The following NR6A1 variants were observed in gnomAD, a reference collection of about 807,000 sequenced individuals.
The protein encoded by NR6A1 is retinoic acid receptor-related testis-associated receptor.
A neutral mutation model predicts 59.1 loss-of-function variants in NR6A1; 7 were observed. The ratio of observed to expected loss-of-function variants is 0.12; its 90% CI spans 0.07 to 0.22. The LOEUF (loss-of-function observed/expected upper bound fraction) is 0.22. NR6A1 is among the 10% of genes least tolerant of loss of function. NR6A1 has a pLI of 1.00. For synonymous variants in NR6A1, 243 were observed against 236.1 expected, an observed-to-expected ratio of 1.03 and a Z score of -0.27; for missense variants, 468 against 611.6, an observed-to-expected ratio of 0.77 and a Z score of 2.48.
rs1163826256 is a variant in NR6A1, at chr9:124,520,768, G to A, written c.*1937C>T. On this transcript the variant is annotated 3_prime_UTR_variant, in exon 10 of 10. Coordinates refer to ENST00000487099, the MANE Select transcript of NR6A1 (RefSeq NM_033334.4). ...CAGGGGAACAAGTATCGTGAACTTA[G>A]AAATAAACAGATACACACGAACACA... The A allele has an allele frequency of 2.0e-5, 3 of 152,178 alleles. No homozygotes were observed. The highest frequency in any genetic ancestry group is 1.3e-4 in the Admixed American group (2 of 15,276). The allele number at this position is 152,178 out of a possible 1,614,324, so 9.4% of individuals were successfully genotyped here. A position where few individuals can be genotyped will look rare whatever the true frequency, so the allele number is the denominator to read the frequency against.
Position 124,651,553 on chromosome 9 carries a change from C to T in NR6A1, c.142+81755G>A, listed in dbSNP as rs1008034113. 5.3e-5 allele frequency among the ~76,000 whole-genome samples: 8 copies of T among 152,198 alleles called. No homozygotes were observed. In the South Asian group the frequency reaches 6.2e-4, roughly 12 times the overall value. ...AAGTAACAATTTTACAAAGTACCTA[C>T]CATAGGGGTTGGCCCCACAGTGGTT... On this transcript the variant is annotated intron_variant, in intron 2 of 9. Transcript: ENST00000487099.
At position 124,585,696 on chromosome 9, in the gene NR6A1, C is replaced by T. The variant is rs201496649; in HGVS notation, c.143-31126G>A. 2.0e-5 allele frequency among the ~76,000 whole-genome samples: 3 copies of T among 151,972 alleles called. No homozygotes were observed. In the East Asian group the frequency reaches 5.8e-4, roughly 29 times the overall value. ...GAAGGGGCCTTATATTGGAAGAAGA[C>T]ACCATCTACGGGCTTTCATAGCTAG... is the stretch of plus-strand genomic sequence containing the variant. On this transcript the variant is annotated intron_variant, in intron 2 of 9. Coordinates refer to ENST00000487099, the MANE Select transcript of NR6A1 (RefSeq NM_033334.4).
At chr9:124,722,729 T>A (rs1190557740) in intron 2 of NR6A1, among the ~76,000 whole-genome samples, 1 of 152,146 alleles carries the variant, frequency 6.6e-6, no homozygotes, top group South Asian at 2.1e-4. Flanking sequence ...AATTTACGTT[T>A]TTTCTGAGAC....
chr9:124,535,902 G>A lies in NR6A1; in HGVS notation c.1055C>T (p.Ser352Leu), dbSNP rs143555601. Residue 352 changes from serine (S) to leucine (L), a missense_variant, in exon 7 of 10, where the codon TCG (serine) becomes TTG (leucine). Transcript: ENST00000487099. Reference protein sequence around the residue: ...GELADVTAKYSPSDEELHRFS... With the variant: ...GELADVTAKYLPSDEELHRFS... ...CCTGTGTAGTTCTTCATCGGAGGGC[G>A]AGTACTTGGCAGTGACATCAGCCAG... The A allele has an allele frequency of 3.4e-5, 55 of 1,614,098 alleles. No individual in the cohort carries two copies. Among genetic ancestry groups the A allele is most frequent in the Middle Eastern group, 1.6e-4 (1 of 6,062 alleles).
intron 1 of NR6A1, among the ~76,000 whole-genome samples, chr9:124,741,570 C>T (rs1023012742): frequency 9.9e-5 from 15 of 152,216 alleles, no homozygotes; most frequent in Non-Finnish European, 2.1e-4. Flanking sequence ...CTAAGTTGTA[C>T]ACTTCAAATG....
At chr9:124,643,566 C>T (rs1836832435) in intron 2 of NR6A1, among the ~76,000 whole-genome samples, 2 of 148,960 alleles carry the variant, frequency 1.3e-5, no homozygotes, top group South Asian at 4.3e-4. Context: ...CGCACCACTG[C>T]ATGCTAGCCT....
At chr9:124,743,737 A>G (rs372033841) in intron 1 of NR6A1, among the ~76,000 whole-genome samples, 39 of 152,360 alleles carry the variant, frequency 2.6e-4, no homozygotes, top group African/African-American at 7.5e-4. Context: ...CTATAGAATC[A>G]AAAGGTGAAA....
At chr9:124,612,814 TTTC>T (rs1463334666) in intron 2 of NR6A1, among the ~76,000 whole-genome samples, 1 of 145,094 alleles carries the variant, frequency 6.9e-6, no homozygotes, top group African/African-American at 2.5e-5. Context: ...TCTTTCTTTC[TTTC>T]TTTTCTTTCT....
In NR6A1 at chr9:124,524,615, T is replaced by C. The variant is rs545772496; in HGVS notation, c.1354+106A>G. 11 of 1,285,856 alleles carry C rather than the reference T, an allele frequency of 8.6e-6. 1 individual carries two copies. In the South Asian group the frequency reaches 1.2e-4, roughly 14 times the overall value. 79.7% of individuals were successfully genotyped at this position (1,285,856 alleles called of 1,614,324 possible). A position where few individuals can be genotyped will look rare whatever the true frequency, so the allele number is the denominator to read the frequency against. On this transcript the variant is annotated intron_variant, in intron 9 of 9. Coordinates refer to ENST00000487099, the MANE Select transcript of NR6A1 (RefSeq NM_033334.4). The stretch of plus-strand genomic sequence containing the variant: ...CAAGGGTGAGAACTCTTTCATGCAG[T>C]TGGTGATGGGCTGGAAAGAGCACCC...
intron 2 of NR6A1, among the ~76,000 whole-genome samples, chr9:124,583,028 G>A (rs1299845569): frequency 6.6e-6 from 1 of 151,970 alleles, no homozygotes; most frequent in African/African-American, 2.4e-5. Flanking sequence ...AAAAACAAAA[G>A]CACCCCAAAT....
At chr9:124,659,169 T>C (rs948033604) in intron 2 of NR6A1, among the ~76,000 whole-genome samples, 1 of 151,578 alleles carries the variant, frequency 6.6e-6, no homozygotes, top group African/African-American at 2.4e-5. Context: ...GAGGCAAGCA[T>C]AGACAGAGAG....
intron 2 of NR6A1, chr9:124,607,576 G>A (rs1835609992): frequency 6.6e-6 from 1 of 152,124 alleles, no homozygotes; most frequent in Non-Finnish European, 1.5e-5. Flanking sequence ...TAGGTAAATT[G>A]CATAACTTGT....
rs139069176 is a variant in NR6A1, at chr9:124,554,511, T to C, written c.202A>G (p.Thr68Ala). Reference protein sequence around the residue: ...RTCLICGDRATGLHYGIISCE... With the variant: ...RTCLICGDRAAGLHYGIISCE... ...GAGATGATCCCATAGTGCAAGCCTGTAGCGCGGTCCCCACAAATGAGACAG... is the reference window on the plus strand; with the variant it reads ...GAGATGATCCCATAGTGCAAGCCTGCAGCGCGGTCCCCACAAATGAGACAG... The change falls in exon 3 of 10, where the codon ACA (threonine) becomes GCA (alanine). Residue 68 changes from threonine to alanine, a missense_variant. Coordinates refer to ENST00000487099, the MANE Select transcript of NR6A1 (RefSeq NM_033334.4). 6.2e-7 allele frequency: 1 copy of C among 1,614,228 alleles called. No individual in the cohort carries two copies. The highest frequency in any genetic ancestry group is 8.5e-7 in the Non-Finnish European group (1 of 1,180,036).
intron 2 of NR6A1, among the ~76,000 whole-genome samples, chr9:124,681,637 G>A (rs961387196): frequency 2.0e-5 from 3 of 152,110 alleles, no homozygotes; most frequent in African/African-American, 7.2e-5. Flanking sequence ...ACCACACTCA[G>A]CCCAACATTT....
chr9:124,717,192 T>C (rs1227235436), intron 2 of NR6A1, among the ~76,000 whole-genome samples: 1 of 152,168 alleles, frequency 6.6e-6, no homozygotes, highest in African/African-American at 2.4e-5. Context: ...GTTCGGAAAT[T>C]TCATAAAAAG....
At chr9:124,557,192 G>A (rs1245245872) in intron 2 of NR6A1, among the ~76,000 whole-genome samples, 4 of 152,006 alleles carry the variant, frequency 2.6e-5, no homozygotes, top group African/African-American at 4.8e-5. Context: ...GCAGTAGCGC[G>A]ATCTTGGCTC....
At chr9:124,530,530 T>C (rs1245225957) in intron 7 of NR6A1, among the ~76,000 whole-genome samples, 1 of 152,200 alleles carries the variant, frequency 6.6e-6, no homozygotes, top group Non-Finnish European at 1.5e-5. Context: ...TAGGTTCCCA[T>C]TACACAAGCA....
intron 2 of NR6A1, among the ~76,000 whole-genome samples, chr9:124,559,783 A>AAATAAT (rs765584575): frequency 6.6e-6 from 1 of 152,008 alleles, no homozygotes; most frequent in African/African-American, 2.4e-5. Flanking sequence ...TCAAAAAAGA[A>AAATAAT]AATAATAATA....
chr9:124,759,130 T>C (rs1840718059), intron 1 of NR6A1, among the ~76,000 whole-genome samples: 1 of 152,142 alleles, frequency 6.6e-6, no homozygotes, highest in Admixed American at 6.5e-5. Context: ...TATCCTCTTT[T>C]ACATCTTTCT....
Sources: gnomAD v4.1 joint callset for allele counts (sites outside exome capture counted in the v4.1 genomes callset) on GRCh38, gnomAD v4.1.1 for gene constraint, MANE v1.5 for transcripts, NCBI Gene and HGNC (gene_info 2026-07-23, HGNC 2026-07-21) for gene names.